Variants in MTUS2 observed in about 807,000 individuals in gnomAD.
MTUS2 encodes microtubule-associated tumor suppressor candidate 2.
In MTUS2, 40 loss-of-function variants were observed where a neutral mutation model predicts 114.1. The observed-to-expected ratio is 0.35, with a 90% CI of 0.27 to 0.46. MTUS2 has a LOEUF of 0.46. Among genes scored for constraint, MTUS2 ranks in the 20% least tolerant of loss-of-function variants. The probability of loss-of-function intolerance (pLI) is 1.00; values close to 1 mark genes in which losing one functional copy is unlikely to be tolerated. For missense variants in MTUS2, 1,679 were observed against 1,705.4 expected (o/e 0.98, Z 0.27); for synonymous variants, 688 against 672.0 (o/e 1.02, Z -0.37).
chr13:29,100,922 AC>A lies in MTUS2; in HGVS notation c.2599del (p.Gln867SerfsTer27). ...RSSSVSSVSSTQSGDSAQPEQ... is the reference protein window; with the variant it reads ...RSSSVSSVSSXQSGDSAQPEQ... The stretch of plus-strand genomic sequence containing the variant: ...CTCCAGCGTCTCCTCAGTCTCCAGC[AC>A]CCAGTCCGGGGACAGTGCACAGCCA... On this transcript the variant is annotated frameshift_variant, in exon 5 of 16. Transcript: ENST00000612955. LOFTEE classifies it high-confidence loss of function. The A allele has an allele frequency of 6.3e-7, 1 of 1,577,222 alleles. No homozygotes were observed. Among genetic ancestry groups the A allele is most frequent in the African/African-American group, 1.3e-5 (1 of 74,228 alleles).
At chr13:29,175,556 C>A (rs1893738591) in intron 5 of MTUS2, among the ~76,000 whole-genome samples, 1 of 150,464 alleles carries the variant, frequency 6.6e-6, no homozygotes, top group African/African-American at 2.5e-5. Flanking sequence ...TTTGTGCTGA[C>A]CATCAGTGAC....
In MTUS2 at chr13:29,025,174, C is replaced by T; in HGVS notation, c.476C>T (p.Pro159Leu). ...GATGCTGAAATTCCCCGGCATGTTC[C>T]CAAGGATAAACTGGCAAAGACCCTT... ...KRDAEIPRHVPKDKLAKTLDN... is the reference protein window; with the variant it reads ...KRDAEIPRHVLKDKLAKTLDN... The change falls in exon 3 of 16, where the codon CCC (proline) becomes CTC (leucine). Residue 159 changes from proline to leucine, a missense_variant. Coordinates refer to ENST00000612955, the MANE Select transcript of MTUS2 (RefSeq NM_001033602.4). 6.2e-7 allele frequency: 1 copy of T among 1,613,888 alleles called. No individual in the cohort carries two copies. The highest frequency in any genetic ancestry group is 1.1e-5 in the South Asian group (1 of 91,084).
chr13:29,142,566 C>T (rs535831879), intron 5 of MTUS2, among the ~76,000 whole-genome samples: 6 of 152,210 alleles, frequency 3.9e-5, no homozygotes, highest in East Asian at 1.9e-4. Context: ...ATTAGCTGGG[C>T]GTGGTAGCCG....
chr13:28,900,672 A>C (rs538338175), intron 2 of MTUS2, among the ~76,000 whole-genome samples: 3 of 152,344 alleles, frequency 2.0e-5, no homozygotes, highest in African/African-American at 7.2e-5. Flanking sequence ...CAGTCCATCT[A>C]AAGGACATCT....
At chr13:29,231,459 T>C (rs1285848889) in intron 5 of MTUS2, among the ~76,000 whole-genome samples, 1 of 152,144 alleles carries the variant, frequency 6.6e-6, no homozygotes, top group Non-Finnish European at 1.5e-5. Flanking sequence ...TGATAGAAAA[T>C]GTCACAAATA....
intron 5 of MTUS2, among the ~76,000 whole-genome samples, chr13:29,103,139 G>C (rs1053270693): frequency 6.6e-6 from 1 of 152,076 alleles, no homozygotes; most frequent in African/African-American, 2.4e-5. Context: ...CTGTAATTAG[G>C]GATTATGTCA....
At chr13:29,165,325 C>T (rs577410775) in intron 5 of MTUS2, among the ~76,000 whole-genome samples, 7 of 152,310 alleles carry the variant, frequency 4.6e-5, no homozygotes, top group African/African-American at 1.7e-4. Flanking sequence ...ACTAGATAAA[C>T]CTTCGCCACC....
intron 9 of MTUS2, among the ~76,000 whole-genome samples, chr13:29,463,593 C>T (rs1879671134): frequency 1.2e-5 from 1 of 86,890 alleles, no homozygotes; most frequent in Admixed American, 1.2e-4. Flanking sequence ...GGTGACTTGC[C>T]CTAGGTCACA....
chr13:29,192,074 A>T (rs1321104448), intron 5 of MTUS2, among the ~76,000 whole-genome samples: 1 of 152,240 alleles, frequency 6.6e-6, no homozygotes, highest in Non-Finnish European at 1.5e-5. Context: ...ATATTTTATT[A>T]CAGCATTGAT....
In MTUS2 at chr13:29,336,253, C is replaced by T. The variant is rs1004563047; in HGVS notation, c.2905+11542C>T. On this transcript the variant is annotated intron_variant, in intron 7 of 15. Coordinates refer to ENST00000612955, the MANE Select transcript of MTUS2 (RefSeq NM_001033602.4). ...TTTTGGAATTTTCAGCCTTTTTGTG[C>T]TAGTTTTTCCTCATCTTCATAGATT... is the stretch of plus-strand genomic sequence containing the variant. Among the ~76,000 whole-genome samples, 4 of 152,072 alleles carry T rather than the reference C, an allele frequency of 2.6e-5. No individual in the cohort carries two copies. In the South Asian group the frequency reaches 8.3e-4, roughly 32 times the overall value.
intron 2 of MTUS2, among the ~76,000 whole-genome samples, chr13:29,021,563 G>A (rs983394785): frequency 4.6e-5 from 7 of 152,152 alleles, no homozygotes; most frequent in South Asian, 2.1e-4. Context: ...AATTCAAACC[G>A]AAGAGGGCTC....
chr13:29,360,641 T>G (rs889632555), intron 8 of MTUS2, among the ~76,000 whole-genome samples: 3 of 149,130 alleles, frequency 2.0e-5, no homozygotes, highest in African/African-American at 7.4e-5. Flanking sequence ...TCTGGTCTAG[T>G]CACGATGCAT....
intron 5 of MTUS2, among the ~76,000 whole-genome samples, chr13:29,262,617 A>T (rs1188685460): frequency 6.6e-6 from 1 of 151,852 alleles, no homozygotes; most frequent in East Asian, 1.9e-4. Context: ...TAGCTCTGGG[A>T]CACTGAGATG....
intron 2 of MTUS2, among the ~76,000 whole-genome samples, chr13:29,007,577 C>A (rs1885654579): frequency 6.6e-6 from 1 of 152,180 alleles, no homozygotes; most frequent in Non-Finnish European, 1.5e-5. Context: ...TTTGCATTTT[C>A]TTCTGCCTCC....
intron 5 of MTUS2, among the ~76,000 whole-genome samples, chr13:29,142,319 T>A (rs1452461080): frequency 6.6e-6 from 1 of 152,140 alleles, no homozygotes; most frequent in Non-Finnish European, 1.5e-5. Flanking sequence ...ATATTTGGAG[T>A]TGAAGCCCAA....
rs764600823 is a variant in MTUS2, at chr13:29,480,101, T to G, written c.3185-49T>G. Reference sequence around the variant, plus strand: ...GACCATGGAGGCTGAGTCCTTCCCATGCCTCCTACGGCCATTTTTTAAAGA... The same window carrying G: ...GACCATGGAGGCTGAGTCCTTCCCAGGCCTCCTACGGCCATTTTTTAAAGA... On this transcript the variant is annotated intron_variant, in intron 9 of 15. Coordinates refer to ENST00000612955, the MANE Select transcript of MTUS2 (RefSeq NM_001033602.4). This position sits in a 1 kb window ranked among gnomAD's most constrained non-coding sequence, Gnocchi z 4.4. 2.0e-6 allele frequency: 3 copies of G among 1,534,728 alleles called. No individual in the cohort carries two copies. The highest frequency in any genetic ancestry group is 2.6e-6 in the Non-Finnish European group (3 of 1,133,678).
intron 2 of MTUS2, among the ~76,000 whole-genome samples, chr13:28,894,335 AGAGAGAGAGAGAGAGTGAGAGT>A (rs1174695566): frequency 2.8e-4 from 17 of 61,690 alleles, no homozygotes; most frequent in African/African-American, 1.6e-3. Context: ...GGAGGGAGAG[AGAGAGAGAGAGAGAGTGAGAGT>A]GAGAGAGAGA....
At chr13:29,469,213 T>C (rs1593479311) in intron 9 of MTUS2, among the ~76,000 whole-genome samples, 1 of 152,336 alleles carries the variant, frequency 6.6e-6, no homozygotes, top group East Asian at 1.9e-4. Flanking sequence ...GCTTCTGCTT[T>C]GTCCTTCTCC....
chr13:28,848,326 C>T (rs1876022917), intron 2 of MTUS2, among the ~76,000 whole-genome samples: 1 of 152,180 alleles, frequency 6.6e-6, no homozygotes, highest in Admixed American at 6.5e-5. Context: ...CCCCTTTTCT[C>T]CATCCTTCCT....
Sources: allele counts gnomAD v4.1 joint callset (sites outside exome capture counted in the v4.1 genomes callset), GRCh38; gene constraint gnomAD v4.1.1; non-coding constraint Gnocchi (gnomAD v3.1); transcripts MANE v1.5; gene names NCBI Gene and HGNC (gene_info 2026-07-23, HGNC 2026-07-21).